Variants in NAALADL2 observed in about 807,000 individuals in gnomAD.
NAALADL2 encodes the protein inactive N-acetylated-alpha-linked acidic dipeptidase-like protein 2.
NAALADL2 carries 76 observed loss-of-function variants against 87.2 expected under a neutral mutation model. That is an observed-to-expected ratio of 0.87 (90% CI 0.72 to 1.05). NAALADL2 has a LOEUF of 1.05. Among genes scored for constraint, NAALADL2 ranks in the 50% least tolerant of loss-of-function variants. The probability of loss-of-function intolerance (pLI) is 0.00; values close to 1 mark genes in which losing one functional copy is unlikely to be tolerated. For missense variants in NAALADL2, 1,089 were observed against 945.8 expected (o/e 1.15, Z -1.99); for synonymous variants, 354 against 331.0 (o/e 1.07, Z -0.75).
intron 1 of NAALADL2, among the ~76,000 whole-genome samples, chr3:175,003,195 G>A (rs1748475108): frequency 6.6e-6 from 1 of 152,016 alleles, no homozygotes; most frequent in South Asian, 2.1e-4. Context: ...TTAATTCAAC[G>A]ATGTGTCCAG....
At chr3:175,472,421 T>C (rs572304630) in intron 9 of NAALADL2, among the ~76,000 whole-genome samples, 3 of 152,190 alleles carry the variant, frequency 2.0e-5, no homozygotes, top group Non-Finnish European at 4.4e-5. Flanking sequence ...ATTCTTATTA[T>C]GAATTTCACT....
intron 5 of NAALADL2, among the ~76,000 whole-genome samples, chr3:175,347,881 C>T (rs1368523800): frequency 6.6e-6 from 1 of 152,118 alleles, no homozygotes; most frequent in Non-Finnish European, 1.5e-5. Context: ...GCTATCCCTC[C>T]TCTAGCCGTG....
intron 13 of NAALADL2, among the ~76,000 whole-genome samples, chr3:175,786,399 G>T (rs898336406): frequency 1.2e-4 from 19 of 152,098 alleles, no homozygotes; most frequent in African/African-American, 4.6e-4. Flanking sequence ...TTTGCTCATT[G>T]CTTTTTACTC....
At chr3:174,513,823 G>A (rs747524379) in intron 1 of NAALADL2, among the ~76,000 whole-genome samples, 2 of 152,192 alleles carry the variant, frequency 1.3e-5, no homozygotes, top group Non-Finnish European at 2.9e-5. Context: ...AATTTCACAT[G>A]AAATATGAGA....
At chr3:174,966,319 T>C (rs1226073523) in intron 1 of NAALADL2, among the ~76,000 whole-genome samples, 1 of 152,136 alleles carries the variant, frequency 6.6e-6, no homozygotes, top group Non-Finnish European at 1.5e-5. Flanking sequence ...AACCACAAAA[T>C]ATTTTCCATG....
chr3:175,275,160 G>C (rs7627070), intron 4 of NAALADL2, among the ~76,000 whole-genome samples: 1 of 151,916 alleles, frequency 6.6e-6, no homozygotes, highest in African/African-American at 2.4e-5. Context: ...GAGTACAATG[G>C]GGGGTAGAAA....
intron 4 of NAALADL2, among the ~76,000 whole-genome samples, chr3:175,292,600 A>ACG (rs1201726678): frequency 6.6e-6 from 1 of 150,444 alleles, no homozygotes; most frequent in Non-Finnish European, 1.5e-5. Flanking sequence ...GGATACACAC[A>ACG]CACACACACA....
At chr3:175,014,237 C>T (rs1030192958) in intron 1 of NAALADL2, among the ~76,000 whole-genome samples, 5 of 152,000 alleles carry the variant, frequency 3.3e-5, no homozygotes, top group African/African-American at 1.2e-4. Context: ...GTTGCTTCTG[C>T]CAGTGATGCG....
At chr3:174,959,726 G>C (rs1026294670) in intron 1 of NAALADL2, among the ~76,000 whole-genome samples, 1 of 151,954 alleles carries the variant, frequency 6.6e-6, no homozygotes, top group African/African-American at 2.4e-5. Flanking sequence ...TCTAAATTTC[G>C]GTTATCACAT....
chr3:175,031,166 G>A (rs1319090873), intron 1 of NAALADL2, among the ~76,000 whole-genome samples: 1 of 151,886 alleles, frequency 6.6e-6, no homozygotes, highest in Non-Finnish European at 1.5e-5. Flanking sequence ...GGGGGTACAT[G>A]TGCAGGTTTG....
At chr3:175,190,443 G>C (rs1269481626) in intron 2 of NAALADL2, among the ~76,000 whole-genome samples, 1 of 152,064 alleles carries the variant, frequency 6.6e-6, no homozygotes, top group African/African-American at 2.4e-5. Context: ...AAATGAAAAG[G>C]TGCTTAGCAT....
intron 1 of NAALADL2, among the ~76,000 whole-genome samples, chr3:174,913,577 G>A (rs751880583): frequency 6.6e-6 from 1 of 152,084 alleles, no homozygotes; most frequent in Non-Finnish European, 1.5e-5. Context: ...CTCATTAGTG[G>A]TGTCACCAGG....
At chr3:174,788,413 T>G (rs1418080775) in intron 3 of NAALADL2, among the ~76,000 whole-genome samples, 1 of 152,144 alleles carries the variant, frequency 6.6e-6, no homozygotes, top group Non-Finnish European at 1.5e-5. Context: ...CAAATTTATT[T>G]TCTCACAGTT....
chr3:175,572,409 C>CAA (rs80278132), intron 9 of NAALADL2, among the ~76,000 whole-genome samples: 993 of 97,170 alleles, frequency 0.01, 14 homozygotes, highest in African/African-American at 0.029. Context: ...GTTGGTTTAC[C>CAA]AAAAAAAAAA....
intron 10 of NAALADL2, among the ~76,000 whole-genome samples, chr3:175,605,674 A>G (rs1207767142): frequency 1.3e-5 from 1 of 75,390 alleles, no homozygotes; most frequent in Non-Finnish European, 2.9e-5. Flanking sequence ...TTTAGATAAC[A>G]CGTAATTATA....
At chr3:174,975,193 TAAC>T (rs1395362781) in intron 1 of NAALADL2, among the ~76,000 whole-genome samples, 1 of 152,154 alleles carries the variant, frequency 6.6e-6, no homozygotes, top group African/African-American at 2.4e-5. Flanking sequence ...CTGAGTGACT[TAAC>T]AACTCTGTAA....
chr3:175,396,196 T>C (rs12490133), intron 5 of NAALADL2, among the ~76,000 whole-genome samples: 49,422 of 151,964 alleles, frequency 0.33, 8,299 homozygotes, highest in East Asian at 0.48. Flanking sequence ...TATGACCTTA[T>C]GCGTACAGGA....
intron 11 of NAALADL2, among the ~76,000 whole-genome samples, chr3:175,715,930 G>T (rs1307780208): frequency 6.6e-6 from 1 of 151,422 alleles, no homozygotes; most frequent in Non-Finnish European, 1.5e-5. Context: ...TTGATGATAT[G>T]GAAATTACTA....
At chr3:174,776,490 A>G (rs1715226442) in intron 3 of NAALADL2, among the ~76,000 whole-genome samples, 2 of 152,122 alleles carry the variant, frequency 1.3e-5, no homozygotes, top group South Asian at 2.1e-4. Context: ...CATATACTCT[A>G]TCGAGTCCCT....
Sources: allele counts gnomAD v4.1 joint callset (sites outside exome capture counted in the v4.1 genomes callset), GRCh38; gene constraint gnomAD v4.1.1; transcripts MANE v1.5; gene names NCBI Gene and HGNC (gene_info 2026-07-23, HGNC 2026-07-21).